Variants in CCDC40 observed in about 807,000 individuals in gnomAD.
CCDC40 encodes the protein coiled-coil domain-containing protein 40.
In CCDC40, 104 loss-of-function variants were observed where a neutral mutation model predicts 124.5. The ratio of observed to expected loss-of-function variants is 0.84; its 90% CI spans 0.71 to 0.98. The LOEUF is 0.98. Among genes scored for constraint, CCDC40 ranks in the 50% least tolerant of loss-of-function variants. The pLI is 0.00. For synonymous variants in CCDC40, 580 were observed against 602.9 expected (o/e 0.96, Z 0.56); for missense variants, 1,463 against 1,503.9 (o/e 0.97, Z 0.45).
Position 80,048,575 on chromosome 17 carries a change from C to A in CCDC40, c.677-8C>A. On this transcript the variant is annotated splice_region_variant and splice_polypyrimidine_tract_variant and intron_variant, in intron 4 of 19. Coordinates refer to ENST00000397545, the MANE Select transcript of CCDC40 (RefSeq NM_017950.4). ...GCTCCTCAATGGTGTCGCTGTCTCT[C>A]CCCCCAGTGATCCCCCCAGGGGTGC... is the stretch of plus-strand genomic sequence containing the variant. 6.2e-7 allele frequency: 1 copy of A among 1,609,716 alleles called. No individual in the cohort carries two copies. The highest frequency in any genetic ancestry group is 2.2e-5 in the East Asian group (1 of 44,856).
chr17:80,052,094 C>T (rs981340298), intron 7 of CCDC40, among the ~76,000 whole-genome samples: 6 of 152,358 alleles, frequency 3.9e-5, no homozygotes, highest in African/African-American at 1.4e-4. Context: ...GACGTGGGTC[C>T]TGGCCCCTGG....
rs138212287 is a variant in CCDC40 at position 80,056,299 on chromosome 17, G to A, written c.1160-2195G>A. Among the ~76,000 whole-genome samples, 56 of 151,916 alleles carry A rather than the reference G, an allele frequency of 3.7e-4. No individual in the cohort carries two copies. The Middle Eastern group carries it at 0.014, about 37-fold the overall frequency. On this transcript the variant is annotated intron_variant, in intron 7 of 19. Coordinates refer to ENST00000397545, the MANE Select transcript of CCDC40 (RefSeq NM_017950.4). ...CTCGCTTGCTGTCCCTTAGCAACAC[G>A]TGCTGCGGATATTCCACCTCAAAAC...
At chr17:80,050,938 C>T (rs1212235320) in intron 7 of CCDC40, among the ~76,000 whole-genome samples, 3 of 152,266 alleles carry the variant, frequency 2.0e-5, no homozygotes, top group African/African-American at 4.8e-5. Flanking sequence ...GAGGCCGGCA[C>T]GACGGTCAGA....
chr17:80,036,962 C>A (rs549872389), intron 1 of CCDC40, among the ~76,000 whole-genome samples: 2 of 152,170 alleles, frequency 1.3e-5, no homozygotes, highest in African/African-American at 4.8e-5. Flanking sequence ...GCGCGCGACT[C>A]CCTCTAAAAC....
intron 18 of CCDC40, among the ~76,000 whole-genome samples, chr17:80,095,880 C>T (rs994926477): frequency 2.0e-5 from 3 of 152,210 alleles, no homozygotes; most frequent in Non-Finnish European, 4.4e-5. Flanking sequence ...CTGGGGAGCC[C>T]GAGTGGGCAC....
chr17:80,038,211 TC>T, intron 2 of CCDC40, 25 bp downstream of exon 2: 1 of 1,454,876 alleles, frequency 6.9e-7, no homozygotes, highest in Non-Finnish European at 9.6e-7. Flanking sequence ...GGGCAGTTAT[TC>T]CGGGCTTATA....
At chr17:80,062,214 C>A (rs994062797) in intron 9 of CCDC40, among the ~76,000 whole-genome samples, 1 of 152,166 alleles carries the variant, frequency 6.6e-6, no homozygotes. Flanking sequence ...ATTAGTGAAA[C>A]CCATTTTCAT....
rs758440737 is a variant in CCDC40 at position 80,040,077 on chromosome 17, C to T, written c.359C>T (p.Pro120Leu). 2 of 1,614,154 alleles carry T rather than the reference C, an allele frequency of 1.2e-6. No homozygotes were observed. The highest frequency in any genetic ancestry group is 2.2e-5 in the South Asian group (2 of 91,090). The change falls in exon 3 of 20, where the codon CCT becomes CTT. Residue 120 changes from proline (P) to leucine (L), a missense_variant. Coordinates refer to ENST00000397545, the MANE Select transcript of CCDC40 (RefSeq NM_017950.4). ...ACGACTTACCCGTATTTCAGTCCTC[C>T]TCAGGAACTGCCTGGAGAGGAGGCA... ...ADTTYPYFSPPQELPGEEAYD... is the reference protein window; with the variant it reads ...ADTTYPYFSPLQELPGEEAYD...
At chr17:80,039,160 A>T (rs772629203) in intron 2 of CCDC40, among the ~76,000 whole-genome samples, 4 of 152,118 alleles carry the variant, frequency 2.6e-5, no homozygotes, top group Non-Finnish European at 5.9e-5. Context: ...TGAGGCCAGG[A>T]ATTCAAGACC....
chr17:80,063,267 G>C (rs72849330), intron 9 of CCDC40, among the ~76,000 whole-genome samples: 16,557 of 152,158 alleles, frequency 0.11, 1,195 homozygotes, highest in East Asian at 0.25. Context: ...AATCACAGGT[G>C]TAAGAAGTTA....
rs150230924 is a variant in CCDC40 at position 80,088,517 on chromosome 17, G to A, written c.2711+415G>A. On this transcript the variant is annotated intron_variant, in intron 16 of 19. Coordinates refer to ENST00000397545, the MANE Select transcript of CCDC40 (RefSeq NM_017950.4). ...TCTGCCCACCTCAGCCTCCCAAAGC[G>A]CTGGGATTACATTCATGAGCCACCG... is the stretch of plus-strand genomic sequence containing the variant. The A allele has an allele frequency of 1.0e-3, 303 of 296,960 alleles. No individual in the cohort carries two copies. The Admixed American group carries it at 0.013, about 13-fold the overall frequency. The allele number at this position is 296,960 out of a possible 1,614,324, so 18.4% of individuals were successfully genotyped here. A position where few individuals can be genotyped will look rare whatever the true frequency, so the allele number is the denominator to read the frequency against.
At chr17:80,094,136 G>A (rs940597248) in intron 17 of CCDC40, among the ~76,000 whole-genome samples, 3 of 152,124 alleles carry the variant, frequency 2.0e-5, no homozygotes, top group East Asian at 3.9e-4. Flanking sequence ...TTTGGGCTGG[G>A]TGCGGTGGCT....
At chr17:80,091,346 G>C (rs1178463297) in intron 17 of CCDC40, among the ~76,000 whole-genome samples, 6 of 150,852 alleles carry the variant, frequency 4.0e-5, no homozygotes, top group Non-Finnish European at 5.9e-5. Flanking sequence ...CACACACAGA[G>C]AGAGAGAGAG....
intron 9 of CCDC40, among the ~76,000 whole-genome samples, chr17:80,061,641 C>T (rs1361953465): frequency 6.6e-6 from 1 of 152,196 alleles, no homozygotes; most frequent in Non-Finnish European, 1.5e-5. Context: ...TCCTTCATTT[C>T]TCATTTCCAG....
At position 80,086,276 on chromosome 17, in the gene CCDC40, C is replaced by T. The variant is rs1289742250; in HGVS notation, c.2449+60C>T. The T allele has an allele frequency of 1.5e-5, 22 of 1,434,220 alleles. 1 individual carries two copies. The highest frequency in any genetic ancestry group is 5.7e-5 in the African/African-American group (4 of 70,788). The allele number at this position is 1,434,220 out of a possible 1,614,324, so 88.8% of individuals were successfully genotyped here. A position where few individuals can be genotyped will look rare whatever the true frequency, so the allele number is the denominator to read the frequency against. On this transcript the variant is annotated intron_variant, in intron 14 of 19. Coordinates refer to ENST00000397545, the MANE Select transcript of CCDC40 (RefSeq NM_017950.4). This position sits in a 1 kb window ranked among gnomAD's most constrained non-coding sequence, Gnocchi z 5.5. ...TGAGACGAGCTCTGGGACGTGGGCA[C>T]CTCCCAGGGGAGGGGCACTCAGTGG...
chr17:80,045,929 C>T (rs1415749871), intron 3 of CCDC40, among the ~76,000 whole-genome samples: 1 of 151,882 alleles, frequency 6.6e-6, no homozygotes, highest in Non-Finnish European at 1.5e-5. Flanking sequence ...TTGATCCTTA[C>T]AGCCAAGGAG....
At chr17:80,073,820 C>T (rs1275320558) in intron 10 of CCDC40, among the ~76,000 whole-genome samples, 6 of 152,140 alleles carry the variant, frequency 3.9e-5, no homozygotes, top group African/African-American at 9.7e-5. Flanking sequence ...CCCAGCCTCC[C>T]GAGTGGCTGA....
In CCDC40 at chr17:80,081,977, G is replaced by A; in HGVS notation, c.1908G>A (p.Leu636=). ...RKTDAAIREK[L]QEHMTSNKTT... is the part of the protein sequence containing the mutation. ...CGGATGCTGCCATCCGGGAGAAGCT[G>A]CAGGAGCACATGACCTCCAACAAGA... Residue 636 remains leucine (L), a synonymous_variant, in exon 12 of 20, where the codon CTG becomes CTA. Transcript: ENST00000397545. 1 of 1,613,898 alleles carries A rather than the reference G, an allele frequency of 6.2e-7. No homozygotes were observed. Among genetic ancestry groups the A allele is most frequent in the African/African-American group, 1.3e-5 (1 of 74,994 alleles).
At chr17:80,069,802 GAGAGAGAA>G (rs2038145453) in intron 10 of CCDC40, among the ~76,000 whole-genome samples, 1 of 151,882 alleles carries the variant, frequency 6.6e-6, no homozygotes, top group South Asian at 2.1e-4. Flanking sequence ...GACAGAGAGA[GAGAGAGAA>G]AAAAAGAAAG....
Sources: allele counts gnomAD v4.1 joint callset (sites outside exome capture counted in the v4.1 genomes callset), GRCh38; gene constraint gnomAD v4.1.1; non-coding constraint Gnocchi (gnomAD v3.1); transcripts MANE v1.5; gene names NCBI Gene and HGNC (gene_info 2026-07-23, HGNC 2026-07-21).